FCGR2B: variants seen among roughly 807,000 people sequenced by gnomAD.
FCGR2B encodes the protein Fc gamma receptor IIb.
FCGR2B carries 18 observed loss-of-function variants against 24.8 expected under a neutral mutation model. The observed-to-expected ratio is 0.73, with a 90% CI of 0.50 to 1.08. The LOEUF (loss-of-function observed/expected upper bound fraction) is 1.08, where lower values mean the gene tolerates loss of function less well. FCGR2B is among the 50% of genes least tolerant of loss of function. FCGR2B has a pLI of 0.00. For synonymous variants in FCGR2B, 79 were observed against 109.8 expected, an observed-to-expected ratio of 0.72 and a Z score of 1.75; for missense variants, 215 against 297.6, an observed-to-expected ratio of 0.72 and a Z score of 2.04.
chr1:161,672,567 C>T (rs1681761181), intron 3 of FCGR2B: 1 of 293,596 alleles, frequency 3.4e-6, no homozygotes, highest in Non-Finnish European at 6.3e-6. Context: ...ATGCGGACTC[C>T]TCGGTCACAC....
Position 161,677,743 on chromosome 1 carries a change from A to G in FCGR2B, c.*190A>G, listed in dbSNP as rs844. 392,719 of 560,504 alleles carry G rather than the reference A, an allele frequency of 0.7. 138,188 individuals are homozygous for G. The highest frequency in any genetic ancestry group is 0.77 in the Admixed American group (21,895 of 28,580). The allele number at this position is 560,504 out of a possible 1,614,324, so 34.7% of individuals were successfully genotyped here. ...AGCCACAGACAATATGGTCCCAAATAACCGACTGCACCTTCTGTGCTTCAG... is the reference window on the plus strand; with the variant it reads ...AGCCACAGACAATATGGTCCCAAATGACCGACTGCACCTTCTGTGCTTCAG... On this transcript the variant is annotated 3_prime_UTR_variant, in exon 8 of 8. Transcript: ENST00000358671.
chr1:161,670,936 T>A (rs1261277569), intron 2 of FCGR2B, among the ~76,000 whole-genome samples: 2 of 150,274 alleles, frequency 1.3e-5, no homozygotes, highest in Admixed American at 1.3e-4. Flanking sequence ...ATGCCTGCCA[T>A]CTCCACCAGA....
the FCGR2B span, among the ~76,000 whole-genome samples, chr1:161,651,965 TAAAATAAAATA>T: frequency 1.7e-5 from 2 of 117,206 alleles, no homozygotes; most frequent in South Asian, 6.6e-4. Flanking sequence ...TAAAATAAAA[TAAAATAAAATA>T]AAGATCTATG....
intron 5 of FCGR2B, chr1:161,674,952 C>T: frequency 3.2e-6 from 1 of 311,798 alleles, no homozygotes; most frequent in East Asian, 5.8e-5. Flanking sequence ...TACAGAGAAA[C>T]AGAGAGAGAG....
In FCGR2B at chr1:161,677,390, C is replaced by G. The variant is rs774618447; in HGVS notation, c.855+25C>G. The G allele has an allele frequency of 1.1e-5, 18 of 1,612,822 alleles. No individual in the cohort carries two copies. In the Admixed American group the frequency reaches 1.3e-4, roughly 12 times the overall value. ...GGTGAGTGATCCCAGCCATCTCCCCCTCCCTTCTCCCCTGTTGCCTTTTCT... is the reference window on the plus strand; with the variant it reads ...GGTGAGTGATCCCAGCCATCTCCCCGTCCCTTCTCCCCTGTTGCCTTTTCT... On this transcript the variant is annotated intron_variant, in intron 7 of 7. Coordinates refer to ENST00000358671, the MANE Select transcript of FCGR2B (RefSeq NM_001394477.1).
chr1:161,675,247 C>T lies in FCGR2B; in HGVS notation c.761-10C>T, dbSNP rs189570377. 634 of 1,601,984 alleles carry T rather than the reference C, an allele frequency of 4.0e-4. 1 individual carries two copies. The highest frequency in any genetic ancestry group is 2.0e-3 in the African/African-American group (148 of 74,138). ...CCTAATCCTACTAACCTCCTGTGTGCCCCTCCCAGCTCTCCCAGGATACCC... is the reference window on the plus strand; with the variant it reads ...CCTAATCCTACTAACCTCCTGTGTGTCCCTCCCAGCTCTCCCAGGATACCC... On this transcript the variant is annotated splice_polypyrimidine_tract_variant and intron_variant, in intron 5 of 7. Transcript: ENST00000358671.
chr1:161,674,637 T>G (rs1416958935), intron 5 of FCGR2B: 3 of 196,904 alleles, frequency 1.5e-5, no homozygotes, highest in African/African-American at 2.3e-5. Context: ...CCTCAGAGGG[T>G]TGCCATGGGG....
chr1:161,671,096 G>C (rs150321267), intron 2 of FCGR2B, among the ~76,000 whole-genome samples: 2,158 of 152,250 alleles, frequency 0.014, 48 homozygotes, highest in African/African-American at 0.05. Flanking sequence ...TTGGTGGGGA[G>C]AGAGAGAAAG....
chr1:161,669,047 T>C (rs1225173574), intron 1 of FCGR2B, among the ~76,000 whole-genome samples: 1 of 120,248 alleles, frequency 8.3e-6, no homozygotes, highest in Non-Finnish European at 1.9e-5. Flanking sequence ...CCACAAATCT[T>C]TATCTACCCT....
the FCGR2B span, among the ~76,000 whole-genome samples, chr1:161,652,944 G>A: frequency 7.5e-6 from 1 of 134,202 alleles, no homozygotes; most frequent in Non-Finnish European, 1.7e-5. Flanking sequence ...CAATTTTCCT[G>A]CACTACCCCA....
At chr1:161,675,192 T>A in intron 5 of FCGR2B, 65 bp from the exon 6 acceptor site, 2 of 1,109,406 alleles carry the variant, frequency 1.8e-6, no homozygotes, top group Non-Finnish European at 2.7e-6. Context: ...CTGGCCCTGG[T>A]CCTTGGTCCT....
chr1:161,671,236 C>T (rs1054862594), intron 2 of FCGR2B, among the ~76,000 whole-genome samples, 156 bp from the exon 3 acceptor site: 1 of 152,162 alleles, frequency 6.6e-6, no homozygotes, highest in African/African-American at 2.4e-5. Flanking sequence ...GATGTATGAG[C>T]AAAAGCAACT....
chr1:161,675,246 G>T lies in FCGR2B; in HGVS notation c.761-11G>T. ...GCCTAATCCTACTAACCTCCTGTGT[G>T]CCCCTCCCAGCTCTCCCAGGATACC... On this transcript the variant is annotated splice_polypyrimidine_tract_variant and intron_variant, in intron 5 of 7. Transcript: ENST00000358671. 2 of 1,603,498 alleles carry T rather than the reference G, an allele frequency of 1.2e-6. No homozygotes were observed. The highest frequency in any genetic ancestry group is 1.7e-6 in the Non-Finnish European group (2 of 1,175,136).
Position 161,670,933 on chromosome 1 carries a change from C to T in FCGR2B, c.134-459C>T, listed in dbSNP as rs557359975. On this transcript the variant is annotated intron_variant, in intron 2 of 7. Transcript: ENST00000358671. ...ACCTGATATCCAACTCCCATGCCTG[C>T]CATCTCCACCAGAGCCCCCACTTAT... Among the ~76,000 whole-genome samples the T allele has an allele frequency of 4.5e-3, 671 of 150,316 alleles. 4 individuals carry two copies. The highest frequency in any genetic ancestry group is 0.015 in the African/African-American group (633 of 41,076).
the FCGR2B span, among the ~76,000 whole-genome samples, chr1:161,651,976 A>AAAATAAAAT: frequency 2.7e-5 from 3 of 111,840 alleles, no homozygotes; most frequent in Non-Finnish European, 6.1e-5. Flanking sequence ...AAAATAAAAT[A>AAAATAAAAT]AAGATCTATG....
chr1:161,677,784 A>C lies in FCGR2B; in HGVS notation c.*231A>C, dbSNP rs1377973523. Reference sequence around the variant, plus strand: ...TGTGCTTCAGCTCTTCTTGACATCAAGGCTCTTCCGTTCCACATCCACACA... The same window carrying C: ...TGTGCTTCAGCTCTTCTTGACATCACGGCTCTTCCGTTCCACATCCACACA... On this transcript the variant is annotated 3_prime_UTR_variant, in exon 8 of 8. Transcript: ENST00000358671. 5.8e-6 allele frequency: 3 copies of C among 516,078 alleles called. No homozygotes were observed. The East Asian group carries it at 9.7e-5, about 17-fold the overall frequency. The allele number at this position is 516,078 out of a possible 1,614,324, so 32.0% of individuals were successfully genotyped here.
intron 2 of FCGR2B, among the ~76,000 whole-genome samples, 185 bp from the exon 3 acceptor site, chr1:161,671,207 C>T (rs1681621044): frequency 6.6e-6 from 1 of 152,144 alleles, no homozygotes; most frequent in Non-Finnish European, 1.5e-5. Flanking sequence ...TCCTGGGCTC[C>T]CTGGGGCCGT....
chr1:161,667,418 G>A (rs1681357230), intron 1 of FCGR2B, among the ~76,000 whole-genome samples: 1 of 124,876 alleles, frequency 8.0e-6, no homozygotes, highest in African/African-American at 3.2e-5. Flanking sequence ...TGCGTCAACA[G>A]TTTGCCTTCT....
chr1:161,647,457 T>C, the FCGR2B span, among the ~76,000 whole-genome samples: 4 of 150,584 alleles, frequency 2.7e-5, no homozygotes, highest in East Asian at 5.9e-4. Flanking sequence ...CCCACCAGCA[T>C]GCCCGTCTAA....
Sources: gnomAD v4.1 joint callset for allele counts (sites outside exome capture counted in the v4.1 genomes callset) on GRCh38, gnomAD v4.1.1 for gene constraint, MANE v1.5 for transcripts, NCBI Gene and HGNC (gene_info 2026-07-23, HGNC 2026-07-21) for gene names.